The following PCBP2 variants were observed in gnomAD, a reference collection of about 807,000 sequenced individuals.
PCBP2 encodes the protein poly(rC)-binding protein 2.
A neutral mutation model predicts 50.1 loss-of-function variants in PCBP2; 4 were observed. That is an observed-to-expected ratio of 0.08 (90% CI 0.04 to 0.18). The LOEUF (loss-of-function observed/expected upper bound fraction) is 0.18, where lower values mean the gene tolerates loss of function less well. Ranked by LOEUF, PCBP2 falls within the 10% of genes least tolerant of loss-of-function variation. The pLI, the probability that PCBP2 is intolerant of heterozygous loss-of-function variation, is 1.00. For synonymous variants in PCBP2, 179 were observed against 168.0 expected, an observed-to-expected ratio of 1.07 and a Z score of -0.51; for missense variants, 161 against 474.3, an observed-to-expected ratio of 0.34 and a Z score of 6.14.
At chr12:53,462,003 C>G (rs1487649382) in intron 7 of PCBP2, among the ~76,000 whole-genome samples, 1 of 152,096 alleles carries the variant, frequency 6.6e-6, no homozygotes, top group African/African-American at 2.4e-5. Context: ...GCCGATGCAC[C>G]CAACCTGGAA....
intron 9 of PCBP2, 42 bp from the exon 10 acceptor site, chr12:53,465,890 C>T (rs762501322): frequency 3.2e-6 from 5 of 1,547,282 alleles, no homozygotes; most frequent in South Asian, 2.3e-5. Flanking sequence ...GGTGGCTGTC[C>T]GTGATTGGTT....
chr12:53,470,591 G>T (rs1456343929), intron 13 of PCBP2, among the ~76,000 whole-genome samples: 3 of 150,610 alleles, frequency 2.0e-5, no homozygotes, highest in African/African-American at 7.3e-5. Context: ...TATTTTTTTT[G>T]TAAAGACAAG....
intron 5 of PCBP2, 80 bp from the exon 6 acceptor site, chr12:53,459,192 C>T: frequency 7.7e-7 from 1 of 1,297,980 alleles, no homozygotes; most frequent in South Asian, 1.8e-5. Flanking sequence ...ATCACTTACC[C>T]TAATAAGGGT....
chr12:53,469,488 A>C (rs1942053370), intron 13 of PCBP2, among the ~76,000 whole-genome samples: 1 of 151,902 alleles, frequency 6.6e-6, no homozygotes, highest in Admixed American at 6.6e-5. Context: ...TGGGAGGCCG[A>C]GGCGGGTGGA....
chr12:53,455,117 C>G (rs370214402), intron 2 of PCBP2, among the ~76,000 whole-genome samples: 3 of 152,142 alleles, frequency 2.0e-5, no homozygotes, highest in African/African-American at 7.2e-5. Context: ...TAAGGTTTTT[C>G]TCATGGTGAT....
chr12:53,467,061 A>G (rs1404207325), intron 10 of PCBP2, among the ~76,000 whole-genome samples, 160 bp from the exon 11 acceptor site: 5 of 152,114 alleles, frequency 3.3e-5, no homozygotes, highest in Non-Finnish European at 7.4e-5. Context: ...TATTCTGCCA[A>G]TCCCCAGGAT....
At chr12:53,468,958 A>G in intron 13 of PCBP2, 126 bp downstream of exon 13, 1 of 681,996 alleles carries the variant, frequency 1.5e-6, no homozygotes, top group South Asian at 1.8e-5. Flanking sequence ...GCTGTAGTGC[A>G]GTGGTGCGAT....
chr12:53,454,952 C>A, intron 2 of PCBP2, 83 bp downstream of exon 2: 1 of 1,120,606 alleles, frequency 8.9e-7, no homozygotes, highest in Non-Finnish European at 1.4e-6. Flanking sequence ...TGGAGCTCAT[C>A]AGATTAGCAC....
intron 8 of PCBP2, 144 bp from the exon 9 acceptor site, chr12:53,464,615 AT>A: frequency 8.7e-7 from 1 of 1,143,840 alleles, no homozygotes; most frequent in East Asian, 2.8e-5. Flanking sequence ...TAATTCACTG[AT>A]TACAGCTCGT....
At chr12:53,464,203 C>A (rs1941651737) in intron 8 of PCBP2, among the ~76,000 whole-genome samples, 1 of 152,114 alleles carries the variant, frequency 6.6e-6, no homozygotes. Flanking sequence ...GGAATAGAGT[C>A]CCATACTGGG....
At chr12:53,472,003 G>GT (rs1167809616) in intron 14 of PCBP2, among the ~76,000 whole-genome samples, 196 bp downstream of exon 14, 9 of 112,198 alleles carry the variant, frequency 8.0e-5, no homozygotes, top group Admixed American at 5.5e-4. Flanking sequence ...CAAGGGGTTG[G>GT]TGGGGGGGGG....
chr12:53,472,064 G>A (rs1021547470), intron 14 of PCBP2, among the ~76,000 whole-genome samples: 1 of 151,936 alleles, frequency 6.6e-6, no homozygotes, highest in African/African-American at 2.4e-5. Flanking sequence ...GGGAAGAGTG[G>A]TCCTTGTCTT....
chr12:53,459,644 C>A (rs1393624712), intron 6 of PCBP2, among the ~76,000 whole-genome samples: 4 of 152,028 alleles, frequency 2.6e-5, no homozygotes, highest in Non-Finnish European at 5.9e-5. Context: ...TTACATATGA[C>A]AAGTTTCTAT....
At chr12:53,462,660 T>C in intron 8 of PCBP2, 93 bp downstream of exon 8, 1 of 957,956 alleles carries the variant, frequency 1.0e-6, no homozygotes, top group Non-Finnish European at 1.6e-6. Context: ...TCTGCATGCT[T>C]GCTGAAACCT....
chr12:53,470,274 G>C (rs1942116520), intron 13 of PCBP2, among the ~76,000 whole-genome samples: 1 of 151,158 alleles, frequency 6.6e-6, no homozygotes. Context: ...TTACTCAGAA[G>C]GCTGAGGCAG....
At chr12:53,468,951 G>A in intron 13 of PCBP2, 119 bp downstream of exon 13, 2 of 718,098 alleles carry the variant, frequency 2.8e-6, no homozygotes, top group Admixed American at 2.6e-5. Flanking sequence ...AGCCCAGGCT[G>A]TAGTGCAGTG....
At chr12:53,467,350 C>T (rs1054670093) in intron 11 of PCBP2, 57 bp downstream of exon 11, 2 of 1,356,314 alleles carry the variant, frequency 1.5e-6, no homozygotes, top group Non-Finnish European at 2.1e-6. Flanking sequence ...GAGGCCAGTC[C>T]CAAGGTCTCA....
At chr12:53,467,502 A>AT (rs1182828227) in intron 11 of PCBP2, 5 of 632,680 alleles carry the variant, frequency 7.9e-6, no homozygotes, top group Non-Finnish European at 1.4e-5. Flanking sequence ...AAAGAAAAAA[A>AT]AAGCCCTGGA....
rs71444805 is a variant in PCBP2 at position 53,469,760 on chromosome 12, CT to C, written c.882+947del. 5.5e-3 allele frequency among the ~76,000 whole-genome samples: 629 copies of C among 114,138 alleles called. 9 individuals carry two copies. Among genetic ancestry groups the C allele is most frequent in the East Asian group, 0.034 (146 of 4,270 alleles). 74.9% of individuals were successfully genotyped at this position (114,138 alleles called of 152,430 possible). A position where few individuals can be genotyped will look rare whatever the true frequency, so the allele number is the denominator to read the frequency against. ...GAAAGAAATTCCTGTACATTTGCTG[CT>C]TTTTTTTTTTTTTTTTTTGAGACGG... On this transcript the variant is annotated intron_variant, in intron 13 of 14. Transcript: ENST00000546463.
Sources: gnomAD v4.1 joint callset for allele counts (sites outside exome capture counted in the v4.1 genomes callset) on GRCh38, gnomAD v4.1.1 for gene constraint, MANE v1.5 for transcripts, NCBI Gene and HGNC (gene_info 2026-07-23, HGNC 2026-07-21) for gene names.